Variants in UBN2 observed in about 807,000 individuals in gnomAD.
UBN2 encodes ubinuclein 2.
A neutral mutation model predicts 120.2 loss-of-function variants in UBN2; 35 were observed. That is an observed-to-expected ratio of 0.29 (90% confidence interval 0.22 to 0.39). The LOEUF (loss-of-function observed/expected upper bound fraction) is 0.39. Among genes scored for constraint, UBN2 ranks in the 10% least tolerant of loss-of-function variants. The pLI, the probability that UBN2 is intolerant of heterozygous loss-of-function variation, is 1.00. For missense variants in UBN2, 1,693 were observed against 1,663.2 expected, an observed-to-expected ratio of 1.02 and a Z score of -0.31; for synonymous variants, 661 against 648.7, an observed-to-expected ratio of 1.02 and a Z score of -0.29.
chr7:139,316,503 C>G, the UBN2 span, among the ~76,000 whole-genome samples: 5 of 152,248 alleles, frequency 3.3e-5, no homozygotes, highest in South Asian at 1.0e-3. Context: ...CACGGTGGCT[C>G]ACGCCTGTAA....
chr7:139,243,945 G>A (rs1796390505), intron 2 of UBN2, among the ~76,000 whole-genome samples: 1 of 152,182 alleles, frequency 6.6e-6, no homozygotes, highest in African/African-American at 2.4e-5. Flanking sequence ...ATGAGGAGGA[G>A]TTCAAAACTT....
chr7:139,310,236 AG>A (rs1411688360), downstream of UBN2, among the ~76,000 whole-genome samples: 2 of 151,844 alleles, frequency 1.3e-5, no homozygotes. Flanking sequence ...CTGAAGTGGG[AG>A]GATCACTTGA....
In UBN2 at chr7:139,231,761, C is replaced by G. The variant is rs866497656; in HGVS notation, c.277C>G (p.Pro93Ala). ...GTCGCTGCAGCGGGAGCCCCCGCGG[C>G]CCGAGCCGCCGCCGCCGTTCCCGCC... is the stretch of plus-strand genomic sequence containing the variant. The part of the protein sequence containing the change: ...PMSLQREPPR[P>A]EPPPPFPPLP... Residue 93 changes from proline (P) to alanine (A), a missense_variant, in exon 1 of 18, where the codon CCC (proline) becomes GCC (alanine). Pro to Ala is a conservative substitution (Grantham distance 27, BLOSUM62 -1). Transcript: ENST00000473989. 2.0e-5 allele frequency: 25 copies of G among 1,242,132 alleles called. No individual in the cohort carries two copies. The Middle Eastern group carries it at 1.2e-3, about 59-fold the overall frequency. The allele number at this position is 1,242,132 out of a possible 1,614,324, so 76.9% of individuals were successfully genotyped here.
intron 14 of UBN2, among the ~76,000 whole-genome samples, chr7:139,282,385 C>G (rs1797640435): frequency 6.6e-6 from 1 of 152,102 alleles, no homozygotes; most frequent in African/African-American, 2.4e-5. Flanking sequence ...GCATAGAGCC[C>G]TGCTCACAGC....
rs768460300 is a variant in UBN2 at position 139,258,594 on chromosome 7, T to C, written c.770T>C (p.Ile257Thr). Residue 257 changes from isoleucine (I) to threonine (T), a missense_variant, in exon 4 of 18, where the codon ATT becomes ACT. By Grantham distance (89) the Ile-to-Thr change is moderately conservative. Transcript: ENST00000473989. ...RQASDTEEDD[I>T]TDNQKHKPPK... ...GCTTCAGATACTGAAGAAGATGATA[T>C]TACAGACAACCAAAAGCACAAGCCA... 3.1e-6 allele frequency: 5 copies of C among 1,603,344 alleles called. No individual in the cohort carries two copies. Among genetic ancestry groups the C allele is most frequent in the East Asian group, 2.2e-5 (1 of 44,742 alleles).
At chr7:139,315,027 G>A in the UBN2 span, among the ~76,000 whole-genome samples, 18 of 151,492 alleles carry the variant, frequency 1.2e-4, no homozygotes, top group South Asian at 2.1e-3. Flanking sequence ...CCATGCTGGA[G>A]TGCAGTGGCA....
At position 139,298,116 on chromosome 7, in the gene UBN2, C is replaced by A; in HGVS notation, c.*280C>A. ...ACTTGAAAGAGACTCAGTTGTCAAA[C>A]CCACAGAAATACAAATTTGATTTTT... On this transcript the variant is annotated 3_prime_UTR_variant, in exon 18 of 18. Transcript: ENST00000473989. 1 of 323,180 alleles carries A rather than the reference C, an allele frequency of 3.1e-6. No homozygotes were observed. Among genetic ancestry groups the A allele is most frequent in the Non-Finnish European group, 5.6e-6 (1 of 177,878 alleles). The allele number at this position is 323,180 out of a possible 1,614,324, so 20.0% of individuals were successfully genotyped here. A position where few individuals can be genotyped will look rare whatever the true frequency, so the allele number is the denominator to read the frequency against.
At position 139,303,907 on chromosome 7, in the gene UBN2, T is replaced by C. The variant is rs1481147577; in HGVS notation, c.*6071T>C. On this transcript the variant is annotated 3_prime_UTR_variant, in exon 18 of 18. Transcript: ENST00000473989. ...TTTTTTTAGCCTTTTACGGTGTTAC[T>C]GTGATTTTTCGTCAAGGTTGTGGAG... The C allele has an allele frequency of 6.6e-6, 1 of 152,210 alleles. No individual in the cohort carries two copies. Among genetic ancestry groups the C allele is most frequent in the Non-Finnish European group, 1.5e-5 (1 of 68,034 alleles). The allele number at this position is 152,210 out of a possible 1,614,324, so 9.4% of individuals were successfully genotyped here. A position where few individuals can be genotyped will look rare whatever the true frequency, so the allele number is the denominator to read the frequency against.
chr7:139,260,120 A>G (rs1241281125), intron 5 of UBN2, among the ~76,000 whole-genome samples: 1 of 148,332 alleles, frequency 6.7e-6, no homozygotes, highest in Non-Finnish European at 1.5e-5. Context: ...TCTCTTTTAG[A>G]TAGGGTCTTG....
chr7:139,235,127 C>T (rs1278695063), intron 1 of UBN2, among the ~76,000 whole-genome samples: 1 of 152,062 alleles, frequency 6.6e-6, no homozygotes, highest in African/African-American at 2.4e-5. Flanking sequence ...TTTAGAATGG[C>T]ATATAAGGTG....
At chr7:139,315,696 T>C in the UBN2 span, among the ~76,000 whole-genome samples, 1 of 152,186 alleles carries the variant, frequency 6.6e-6, no homozygotes, top group African/African-American at 2.4e-5. Flanking sequence ...TACATTTCAT[T>C]TGAGGAACTA....
rs1321677872 is a variant in UBN2 at position 139,283,780 on chromosome 7, A to G, written c.2875A>G (p.Ser959Gly). The change falls in exon 15 of 18, where the codon AGT (serine) becomes GGT (glycine). Residue 959 changes from serine to glycine, a missense_variant. By Grantham distance (56) the Ser-to-Gly change is moderately conservative (BLOSUM62 0). Coordinates refer to ENST00000473989, the MANE Select transcript of UBN2 (RefSeq NM_173569.4). ...CCAGACCAACCCCGTCGTGAAGTTA[A>G]GTAATAATCCCCAACTCTCCTGTTC... is the stretch of plus-strand genomic sequence containing the variant. ...KSQTNPVVKLSNNPQLSCSSS... is the reference protein window; with the variant it reads ...KSQTNPVVKLGNNPQLSCSSS... 1.9e-6 allele frequency: 3 copies of G among 1,613,840 alleles called. No individual in the cohort carries two copies. Among genetic ancestry groups the G allele is most frequent in the South Asian group, 1.1e-5 (1 of 91,082 alleles).
intron 15 of UBN2, among the ~76,000 whole-genome samples, chr7:139,285,710 C>T (rs891679221): frequency 2.0e-5 from 3 of 151,818 alleles, no homozygotes; most frequent in East Asian, 1.9e-4. Context: ...ATCCATTTAT[C>T]GTAAGTTTTT....
At chr7:139,295,245 C>T (rs1260614276) in intron 17 of UBN2, among the ~76,000 whole-genome samples, 1 of 152,146 alleles carries the variant, frequency 6.6e-6, no homozygotes, top group African/African-American at 2.4e-5. Flanking sequence ...CAGTCTTAAC[C>T]TTGAGAATGA....
intron 15 of UBN2, among the ~76,000 whole-genome samples, chr7:139,284,897 G>T (rs1196144422): frequency 6.6e-6 from 1 of 152,032 alleles, no homozygotes; most frequent in Admixed American, 6.5e-5. Context: ...AACTAAAATG[G>T]CTTATTTCAA....
chr7:139,233,113 A>G (rs113326886), intron 1 of UBN2, among the ~76,000 whole-genome samples: 29 of 152,278 alleles, frequency 1.9e-4, no homozygotes, highest in Non-Finnish European at 3.2e-4. Flanking sequence ...ATGTTGAACA[A>G]TTTCACTAGG....
chr7:139,231,422 C>A lies in UBN2; in HGVS notation c.-63C>A, dbSNP rs1217168477. 3 of 1,219,242 alleles carry A rather than the reference C, an allele frequency of 2.5e-6. No individual in the cohort carries two copies. Among genetic ancestry groups the A allele is most frequent in the East Asian group, 6.4e-5 (2 of 31,294 alleles). The allele number at this position is 1,219,242 out of a possible 1,614,324, so 75.5% of individuals were successfully genotyped here. ...GAGAGCAAGAGGAAGGGCGGGCAGG[C>A]ACGCAGCGCGCCGTAGAAGCGAGCG... is the stretch of plus-strand genomic sequence containing the variant. On this transcript the variant is annotated 5_prime_UTR_variant, in exon 1 of 18. Transcript: ENST00000473989.
chr7:139,256,976 G>A (rs969595752), intron 3 of UBN2, among the ~76,000 whole-genome samples: 3 of 152,096 alleles, frequency 2.0e-5, no homozygotes, highest in Non-Finnish European at 4.4e-5. Flanking sequence ...GTAACTAATA[G>A]GATATGTATA....
Position 139,283,802 on chromosome 7 carries a change from G to C in UBN2, c.2897G>C (p.Cys966Ser). Reference sequence around the variant, plus strand: ...TTAAGTAATAATCCCCAACTCTCCTGTTCCTCCTCACTTATTAAGACTTCA... The same window carrying C: ...TTAAGTAATAATCCCCAACTCTCCTCTTCCTCCTCACTTATTAAGACTTCA... Reference protein sequence around the residue: ...VKLSNNPQLSCSSSLIKTSDK... With the variant: ...VKLSNNPQLSSSSSLIKTSDK... Residue 966 changes from cysteine (C) to serine (S), a missense_variant, in exon 15 of 18, where the codon TGT becomes TCT. By Grantham distance (112) the Cys-to-Ser change is moderately radical (BLOSUM62 -1). This residue lies in a region of UBN2 where 837 missense variants were observed against 817.6 expected (regional missense o/e 1.02). Transcript: ENST00000473989. 6.2e-7 allele frequency: 1 copy of C among 1,614,000 alleles called. No individual in the cohort carries two copies. The highest frequency in any genetic ancestry group is 2.2e-5 in the East Asian group (1 of 44,872).
Sources: gnomAD v4.1 joint callset for allele counts (sites outside exome capture counted in the v4.1 genomes callset) on GRCh38, gnomAD v4.1.1 for gene constraint, gnomAD v4.1.1 regional missense constraint, MANE v1.5 for transcripts, NCBI Gene and HGNC (gene_info 2026-07-23, HGNC 2026-07-21) for gene names.